LMO7: variants seen among roughly 807,000 people sequenced by gnomAD.
LMO7 encodes LIM domain only protein 7.
A neutral mutation model predicts 206.5 loss-of-function variants in LMO7; 120 were observed. The observed-to-expected ratio is 0.58, with a 90% CI of 0.50 to 0.68. LMO7 has a LOEUF of 0.68. Among genes scored for constraint, LMO7 ranks in the 30% least tolerant of loss-of-function variants. The probability of loss-of-function intolerance (pLI) is 0.00; values close to 1 mark genes in which losing one functional copy is unlikely to be tolerated. For missense variants in LMO7, 1,959 were observed against 1,957.9 expected (o/e 1.00, Z -0.01); for synonymous variants, 706 against 681.5 (o/e 1.04, Z -0.56).
At chr13:75,805,812 C>G in intron 9 of LMO7, 52 bp downstream of exon 9, 1 of 1,562,328 alleles carries the variant, frequency 6.4e-7, no homozygotes, top group Non-Finnish European at 8.7e-7. Flanking sequence ...AGTACCCCAG[C>G]TGGGGTTCTA....
chr13:75,731,035 A>T (rs1200851175), intron 3 of LMO7, among the ~76,000 whole-genome samples: 1 of 150,486 alleles, frequency 6.6e-6, no homozygotes, highest in East Asian at 2.0e-4. Context: ...TGCTGAGGAG[A>T]GCTTTACTTC....
intron 5 of LMO7, among the ~76,000 whole-genome samples, chr13:75,796,209 C>G (rs2053988239): frequency 6.6e-6 from 1 of 152,118 alleles, no homozygotes; most frequent in Non-Finnish European, 1.5e-5. Flanking sequence ...ATGGAAATTG[C>G]AAGAATATCT....
chr13:75,731,676 T>A (rs1159098077), intron 3 of LMO7, among the ~76,000 whole-genome samples: 1 of 152,136 alleles, frequency 6.6e-6, no homozygotes, highest in Non-Finnish European at 1.5e-5. Flanking sequence ...GTCATTATGA[T>A]GTTAGCTGGT....
chr13:75,857,875 T>C, intron 30 of LMO7, 46 bp from the exon 31 acceptor site: 1 of 1,426,198 alleles, frequency 7.0e-7, no homozygotes, highest in Non-Finnish European at 9.7e-7. Context: ...AATATTCACG[T>C]TTCTGAATCT....
intron 1 of LMO7, among the ~76,000 whole-genome samples, chr13:75,684,243 T>A (rs2040788761): frequency 6.6e-6 from 1 of 152,184 alleles, no homozygotes; most frequent in Non-Finnish European, 1.5e-5. Context: ...CTTGAAATTT[T>A]TTTTCTTGAG....
chr13:75,823,209 A>G (rs757030273), intron 14 of LMO7, among the ~76,000 whole-genome samples: 1 of 152,208 alleles, frequency 6.6e-6, no homozygotes, highest in Non-Finnish European at 1.5e-5. Context: ...TTTAGAGGTT[A>G]GAGTTACACC....
At chr13:75,641,031 G>T (rs983308281) in intron 1 of LMO7, among the ~76,000 whole-genome samples, 1 of 152,316 alleles carries the variant, frequency 6.6e-6, no homozygotes, top group East Asian at 1.9e-4. Context: ...AACTTGACGG[G>T]TTTATAGATT....
In LMO7 at chr13:75,833,156, G is replaced by A. The variant is rs781069841; in HGVS notation, c.3055G>A (p.Val1019Ile). ...TATTCCTGGGATCTTCGTAGCATCAGTTGAAGCAGGTAAATTATGTGTTTA... is the reference window on the plus strand; with the variant it reads ...TATTCCTGGGATCTTCGTAGCATCAATTGAAGCAGGTAAATTATGTGTTTA... ...WDIPGIFVAS[V>I]EAGSPAEFSQ... Residue 1019 changes from valine (V) to isoleucine (I), a missense_variant, in exon 16 of 31, where the codon GTT becomes ATT. Transcript: ENST00000377534. The A allele has an allele frequency of 6.4e-7, 1 of 1,555,444 alleles. No homozygotes were observed. The highest frequency in any genetic ancestry group is 8.9e-7 in the Non-Finnish European group (1 of 1,126,736).
chr13:75,665,448 A>G (rs985798581), intron 1 of LMO7, among the ~76,000 whole-genome samples: 1 of 152,268 alleles, frequency 6.6e-6, no homozygotes, highest in East Asian at 1.9e-4. Flanking sequence ...GTATTCTTGT[A>G]AATTATTGAA....
At chr13:75,724,835 T>C (rs991130844) in intron 2 of LMO7, among the ~76,000 whole-genome samples, 1 of 152,168 alleles carries the variant, frequency 6.6e-6, no homozygotes, top group African/African-American at 2.4e-5. Flanking sequence ...ACTAACAAAA[T>C]AAAACAGAGT....
chr13:75,794,481 A>G (rs2053703806), intron 4 of LMO7, among the ~76,000 whole-genome samples: 1 of 152,188 alleles, frequency 6.6e-6, no homozygotes, highest in African/African-American at 2.4e-5. Context: ...CTCTGTATAT[A>G]TGAATATATA....
chr13:75,709,216 G>A (rs1177018642), intron 1 of LMO7, among the ~76,000 whole-genome samples: 1 of 152,148 alleles, frequency 6.6e-6, no homozygotes, highest in Non-Finnish European at 1.5e-5. Flanking sequence ...ATTTGGCTTG[G>A]TTCCTAGTCT....
intron 4 of LMO7, among the ~76,000 whole-genome samples, chr13:75,776,170 T>TATATATATATATATATATATATATCGG (rs2050411700): frequency 2.4e-5 from 1 of 42,530 alleles, no homozygotes; most frequent in African/African-American, 1.1e-4. Flanking sequence ...CGGATATATA[T>TATATATATATATATATATATATATCGG]ATATATATAT....
chr13:75,768,711 A>T (rs553274663), intron 4 of LMO7, among the ~76,000 whole-genome samples: 2 of 152,180 alleles, frequency 1.3e-5, no homozygotes, highest in African/African-American at 4.8e-5. Context: ...TAAAGAGGTT[A>T]TCCTTTAGAT....
chr13:75,656,398 C>T (rs994685580), intron 1 of LMO7, among the ~76,000 whole-genome samples: 13 of 152,152 alleles, frequency 8.5e-5, no homozygotes, highest in African/African-American at 1.4e-4. Flanking sequence ...TTAATATTAT[C>T]GTATTTTTGC....
chr13:75,785,092 C>T (rs1371020767), intron 4 of LMO7, among the ~76,000 whole-genome samples: 1 of 152,066 alleles, frequency 6.6e-6, no homozygotes, highest in Non-Finnish European at 1.5e-5. Context: ...GGAACTTCTA[C>T]CATTGTCTTT....
At chr13:75,777,072 T>G (rs2050607979) in intron 4 of LMO7, among the ~76,000 whole-genome samples, 1 of 152,222 alleles carries the variant, frequency 6.6e-6, no homozygotes, top group Admixed American at 6.5e-5. Context: ...TGGATGGAAG[T>G]GCCACATCCG....
chr13:75,663,669 A>T (rs1370945215), intron 1 of LMO7, among the ~76,000 whole-genome samples: 2 of 151,848 alleles, frequency 1.3e-5, no homozygotes, highest in Non-Finnish European at 2.9e-5. Flanking sequence ...TGACCTTGTG[A>T]TCCACCCGCC....
intron 2 of LMO7, among the ~76,000 whole-genome samples, chr13:75,720,434 G>T (rs768075797): frequency 6.6e-6 from 1 of 152,066 alleles, no homozygotes; most frequent in Non-Finnish European, 1.5e-5. Context: ...ACTTCCCCCT[G>T]TGTTTTCTTC....
Sources: allele counts gnomAD v4.1 joint callset (sites outside exome capture counted in the v4.1 genomes callset), GRCh38; gene constraint gnomAD v4.1.1; transcripts MANE v1.5; gene names NCBI Gene and HGNC (gene_info 2026-07-23, HGNC 2026-07-21).